Variants in MON2 observed in about 807,000 individuals in gnomAD.
MON2 encodes protein MON2 homolog.
In MON2, 84 loss-of-function variants were observed where a neutral mutation model predicts 208.6. The ratio of observed to expected loss-of-function variants is 0.40; its 90% CI spans 0.34 to 0.48. The LOEUF (loss-of-function observed/expected upper bound fraction) is 0.48, where lower values mean the gene tolerates loss of function less well. MON2 is among the 20% of genes least tolerant of loss of function. The pLI, the probability that MON2 is intolerant of heterozygous loss-of-function variation, is 0.59. For missense variants in MON2, 1,611 were observed against 2,015.4 expected (o/e 0.80, Z 3.84); for synonymous variants, 660 against 694.0 (o/e 0.95, Z 0.77).
chr12:62,515,818 GA>G (rs957082234), intron 8 of MON2, among the ~76,000 whole-genome samples: 82 of 142,818 alleles, frequency 5.7e-4, no homozygotes, highest in South Asian at 8.8e-4. Flanking sequence ...TCCGTCTCAG[GA>G]AAAAAAAAAA....
Position 62,580,337 on chromosome 12 carries a change from A to G in MON2, c.4616A>G (p.Asn1539Ser). ...LISNEILPYA[N>S]FIPKEFVGQI... ...AGCAATGAGATACTACCTTATGCCA[A>G]TTTTATTCCTAAGGAATTTGTTGGT... The change falls in exon 32 of 35, where the codon AAT (asparagine) becomes AGT (serine). Residue 1539 changes from asparagine (N) to serine (S), a missense_variant. Transcript: ENST00000393630. 6.2e-7 allele frequency: 1 copy of G among 1,609,792 alleles called. No individual in the cohort carries two copies. The highest frequency in any genetic ancestry group is 8.5e-7 in the Non-Finnish European group (1 of 1,176,594).
intron 8 of MON2, among the ~76,000 whole-genome samples, chr12:62,509,457 C>T (rs75729185): frequency 5.3e-4 from 81 of 152,216 alleles, no homozygotes; most frequent in African/African-American, 1.9e-3. Flanking sequence ...TAGAAGACTT[C>T]AATATTCTAC....
intron 7 of MON2, among the ~76,000 whole-genome samples, chr12:62,503,282 T>A (rs2070935248): frequency 6.6e-6 from 1 of 152,242 alleles, no homozygotes; most frequent in South Asian, 2.1e-4. Flanking sequence ...TGAACTCATG[T>A]TGATCCAAAT....
At chr12:62,518,577 A>G (rs1193330847) in intron 8 of MON2, among the ~76,000 whole-genome samples, 1 of 151,702 alleles carries the variant, frequency 6.6e-6, no homozygotes, top group Non-Finnish European at 1.5e-5. Flanking sequence ...AGTTTCTTGT[A>G]TTGCTTCTAT....
chr12:62,541,393 G>C (rs2073234353), intron 19 of MON2, among the ~76,000 whole-genome samples: 1 of 141,864 alleles, frequency 7.0e-6, no homozygotes, highest in Non-Finnish European at 1.5e-5. Context: ...AAAAAAAAAA[G>C]ATAAAGCTTG....
chr12:62,521,723 T>C (rs1482026175), intron 8 of MON2, among the ~76,000 whole-genome samples: 1 of 152,174 alleles, frequency 6.6e-6, no homozygotes, highest in Non-Finnish European at 1.5e-5. Context: ...TTATCACTCA[T>C]TAGAATTTAG....
rs2073037981 is a variant in MON2 at position 62,537,583 on chromosome 12, T to C, written c.2014-19T>C. 3 of 1,537,534 alleles carry C rather than the reference T, an allele frequency of 2.0e-6. No individual in the cohort carries two copies. The highest frequency in any genetic ancestry group is 2.7e-6 in the Non-Finnish European group (3 of 1,121,550). The stretch of plus-strand genomic sequence containing the variant: ...GAATACATAACAATTATTGAAAATG[T>C]ATCCTTTTTAAAATATAGCTGACTT... On this transcript the variant is annotated intron_variant, in intron 15 of 34. Transcript: ENST00000393630.
Position 62,501,683 on chromosome 12 carries a change from G to T in MON2, c.774G>T (p.Pro258=), listed in dbSNP as rs768154548. Residue 258 remains proline (P), a synonymous_variant, in exon 7 of 35, where the codon CCG becomes CCT. Coordinates refer to ENST00000393630, the MANE Select transcript of MON2 (RefSeq NM_015026.3). The part of the protein sequence containing the change: ...ELLESVLNDF[P]QVFLQHQEFS... ...TTGAGTCAGTCCTCAATGATTTTCC[G>T]CAGGTCTTTTTACAAGTAAGCCATT... The T allele has an allele frequency of 6.2e-7, 1 of 1,614,082 alleles. No individual in the cohort carries two copies.
rs547630168 is a variant in MON2, at chr12:62,548,883, A to G, written c.2754-785A>G. ...AATTTACTCTTTTCTCACTGACTGG[A>G]TGTGGGTTTTTATATTTCTTTGGAG... On this transcript the variant is annotated intron_variant, in intron 22 of 34. Transcript: ENST00000393630. 1.3e-4 allele frequency among the ~76,000 whole-genome samples: 20 copies of G among 152,132 alleles called. No homozygotes were observed. The South Asian group carries it at 3.9e-3, about 30-fold the overall frequency.
Position 62,499,040 on chromosome 12 carries a change from G to C in MON2, c.557G>C (p.Arg186Pro), listed in dbSNP as rs756010597. The C allele has an allele frequency of 3.1e-6, 5 of 1,612,170 alleles. No individual in the cohort carries two copies. Among genetic ancestry groups the C allele is most frequent in the Non-Finnish European group, 4.2e-6 (5 of 1,179,350 alleles). Residue 186 changes from arginine (R) to proline (P), a missense_variant, in exon 5 of 35, where the codon CGA becomes CCA. By Grantham distance (103) the Arg-to-Pro change is moderately radical. Transcript: ENST00000393630. Reference sequence around the variant, plus strand: ...GAGAGGATGGTTGCTGAAGATGAACGACACAGAGGTAAAGTGCTAGAAGTT... The same window carrying C: ...GAGAGGATGGTTGCTGAAGATGAACCACACAGAGGTAAAGTGCTAGAAGTT... ...VFERMVAEDE[R>P]HRDIIEQPVL...
At chr12:62,553,286 GTATT>G in intron 24 of MON2, 112 bp downstream of exon 24, 5 of 1,040,236 alleles carry the variant, frequency 4.8e-6, no homozygotes, top group Non-Finnish European at 6.9e-6. Flanking sequence ...ATGCATTTGT[GTATT>G]TGACAAAACA....
At chr12:62,479,929 A>C (rs756576388) in intron 1 of MON2, among the ~76,000 whole-genome samples, 1 of 152,192 alleles carries the variant, frequency 6.6e-6, no homozygotes, top group Non-Finnish European at 1.5e-5. Flanking sequence ...TCACACCTGC[A>C]ATCCTTGATA....
Position 62,520,770 on chromosome 12 carries a change from A to T in MON2, c.985-3745A>T, listed in dbSNP as rs1393411880. On this transcript the variant is annotated intron_variant, in intron 8 of 34. Transcript: ENST00000393630. ...TGAAACCCCATCTCTACTAAAAAAT[A>T]CAAAAAATTAGCCGGGTGTGGTGGC... 2.6e-5 allele frequency among the ~76,000 whole-genome samples: 4 copies of T among 150,970 alleles called. 1 individual carries two copies. Among genetic ancestry groups the T allele is most frequent in the Admixed American group, 2.6e-4 (4 of 15,128 alleles).
chr12:62,580,572 G>T (rs2074967505), intron 32 of MON2, 152 bp downstream of exon 32: 1 of 588,326 alleles, frequency 1.7e-6, no homozygotes, highest in Admixed American at 3.2e-5. Flanking sequence ...TTTATGAGGA[G>T]AAATGTTATG....
intron 8 of MON2, among the ~76,000 whole-genome samples, chr12:62,521,582 A>G (rs2072041434): frequency 6.6e-6 from 1 of 152,222 alleles, no homozygotes; most frequent in South Asian, 2.1e-4. Context: ...TGTGCTTCCC[A>G]GTATTCACCA....
Position 62,538,241 on chromosome 12 carries a change from A to T in MON2, c.2200-11A>T. 1 of 1,611,732 alleles carries T rather than the reference A, an allele frequency of 6.2e-7. No homozygotes were observed. The highest frequency in any genetic ancestry group is 1.1e-5 in the South Asian group (1 of 91,012). ...AGTGTCATATATTACATTTAATTTTATTCTTCTCAGGTTCTAACAACAGCA... is the reference window on the plus strand; with the variant it reads ...AGTGTCATATATTACATTTAATTTTTTTCTTCTCAGGTTCTAACAACAGCA... On this transcript the variant is annotated splice_polypyrimidine_tract_variant and intron_variant, in intron 17 of 34. Coordinates refer to ENST00000393630, the MANE Select transcript of MON2 (RefSeq NM_015026.3).
At chr12:62,538,027 T>C in intron 16 of MON2, 69 bp from the exon 17 acceptor site, 1 of 1,407,622 alleles carries the variant, frequency 7.1e-7, no homozygotes, top group Non-Finnish European at 9.7e-7. Context: ...CTACTGATTT[T>C]AATTTTAGTT....
At chr12:62,470,292 A>G (rs771995459) in intron 1 of MON2, among the ~76,000 whole-genome samples, 8 of 152,224 alleles carry the variant, frequency 5.3e-5, no homozygotes, top group Admixed American at 1.3e-4. Context: ...GATAAAGAAT[A>G]GTGCTTTATT....
chr12:62,570,029 G>C (rs1416635980), intron 29 of MON2, among the ~76,000 whole-genome samples: 1 of 152,160 alleles, frequency 6.6e-6, no homozygotes, highest in African/African-American at 2.4e-5. Context: ...CTGACAGTAT[G>C]CCAAAACTGT....
Sources: gnomAD v4.1 joint callset for allele counts (sites outside exome capture counted in the v4.1 genomes callset) on GRCh38, gnomAD v4.1.1 for gene constraint, MANE v1.5 for transcripts, NCBI Gene and HGNC (gene_info 2026-07-23, HGNC 2026-07-21) for gene names.